Variants in SPEG observed in about 807,000 individuals in gnomAD.
The protein encoded by SPEG is striated muscle enriched protein kinase.
A neutral mutation model predicts 300.4 loss-of-function variants in SPEG; 114 were observed. That is an observed-to-expected ratio of 0.38 (90% CI 0.33 to 0.44). SPEG has a LOEUF of 0.44. SPEG is among the 20% of genes least tolerant of loss of function. The pLI, the probability that SPEG is intolerant of heterozygous loss-of-function variation, is 1.00. For missense variants in SPEG, 4,201 were observed against 4,586.2 expected, an observed-to-expected ratio of 0.92 and a Z score of 2.43; for synonymous variants, 1,964 against 2,018.9, an observed-to-expected ratio of 0.97 and a Z score of 0.73.
chr2:219,451,632 G>A lies in SPEG; in HGVS notation c.2265G>A (p.Trp755Ter). 1 of 1,562,108 alleles carries A rather than the reference G, an allele frequency of 6.4e-7. No individual in the cohort carries two copies. Residue 755 changes from tryptophan (W) to a stop codon, truncating the protein, a stop_gained, in exon 6 of 41, where the codon TGG becomes TGA. Coordinates refer to ENST00000312358, the MANE Select transcript of SPEG (RefSeq NM_005876.5). LOFTEE classifies it high-confidence loss of function. The surrounding 1 kb of genome is among the most constrained non-coding windows in gnomAD (Gnocchi z 6.4). ...CCCTGTGCCTCCCCACAGTGTCCTGGCACAAGGATGGGTCAGCGCTGCGCA... is the reference window on the plus strand; with the variant it reads ...CCCTGTGCCTCCCCACAGTGTCCTGACACAAGGATGGGTCAGCGCTGCGCA... ...ITANPPPQVS[W>*]HKDGSALRSE...
Position 219,443,979 on chromosome 2 carries a change from C to T in SPEG, c.389-674C>T. 1 of 1,353,306 alleles carries T rather than the reference C, an allele frequency of 7.4e-7. No homozygotes were observed. The highest frequency in any genetic ancestry group is 1.5e-5 in the African/African-American group (1 of 67,670). 83.8% of individuals were successfully genotyped at this position (1,353,306 alleles called of 1,614,324 possible). A position where few individuals can be genotyped will look rare whatever the true frequency, so the allele number is the denominator to read the frequency against. On this transcript the variant is annotated intron_variant, in intron 1 of 40. Coordinates refer to ENST00000312358, the MANE Select transcript of SPEG (RefSeq NM_005876.5). This position sits in a 1 kb window ranked among gnomAD's most constrained non-coding sequence, Gnocchi z 4.6. ...CTCCATGCCCTGCCCCACAAACGCT[C>T]TGATAACAGTCTGTCCCTGTCTCTC...
In SPEG at chr2:219,435,111, T is replaced by G. The variant is rs899660947; in HGVS notation, c.134T>G (p.Phe45Cys). Residue 45 changes from phenylalanine (F) to cysteine (C), a missense_variant, in exon 1 of 41, where the codon TTC becomes TGC. Phe to Cys is a radical substitution (Grantham distance 205, BLOSUM62 -2). Around this residue, in one of 4 missense-constraint regions of SPEG, gnomAD observed 1,258 missense variants for 1,293.9 expected, o/e 0.97. Transcript: ENST00000312358. ...GTGGCCGTGGCCGGGGCGCCAGTCT[T>G]CCTGCGGCCCCTGAAGAACGCGGCG... ...APVAVAGAPVFLRPLKNAAVC... is the reference protein window; with the variant it reads ...APVAVAGAPVCLRPLKNAAVC... 5.5e-6 allele frequency: 8 copies of G among 1,455,678 alleles called. No homozygotes were observed. The highest frequency in any genetic ancestry group is 9.0e-7 in the Non-Finnish European group (1 of 1,115,090). The allele number at this position is 1,455,678 out of a possible 1,614,324, so 90.2% of individuals were successfully genotyped here.
In SPEG at chr2:219,481,695, C is replaced by T. The variant is rs376455345; in HGVS notation, c.5565+15C>T. The T allele has an allele frequency of 3.7e-6, 6 of 1,613,134 alleles. No individual in the cohort carries two copies. The African/African-American group carries it at 8.0e-5, about 22-fold the overall frequency. ...CTTGGTTCAAAGTGAGTCTAGTCTG[C>T]AAAGTGGTGGCACAAAAGGTGGAGG... On this transcript the variant is annotated intron_variant, in intron 28 of 40. Coordinates refer to ENST00000312358, the MANE Select transcript of SPEG (RefSeq NM_005876.5). The surrounding 1 kb of genome is among the most constrained non-coding windows in gnomAD (Gnocchi z 5.4).
rs115284889 is a variant in SPEG at position 219,490,349 on chromosome 2, C to T, written c.8922-60C>T. 5,439 of 1,569,164 alleles carry T rather than the reference C, an allele frequency of 3.5e-3. 170 individuals carry two copies. The African/African-American group carries it at 0.064, about 19-fold the overall frequency. ...CCCTGCTCTCCTCCGTTAGCCCTCA[C>T]TATGGAAGTGTCCCCCTCCTCTCCT... is the stretch of plus-strand genomic sequence containing the variant. On this transcript the variant is annotated intron_variant, in intron 36 of 40. Coordinates refer to ENST00000312358, the MANE Select transcript of SPEG (RefSeq NM_005876.5).
In SPEG at chr2:219,488,045, G is replaced by C; in HGVS notation, c.7742-149G>C. ...CAAAGAAAATTATCGAAGGCATGGC[G>C]TGGGGTTCCACTTTCCACATCTGCC... On this transcript the variant is annotated intron_variant, in intron 31 of 40. Transcript: ENST00000312358. 4.7e-6 allele frequency: 3 copies of C among 637,590 alleles called. No individual in the cohort carries two copies. In the East Asian group the frequency reaches 8.0e-5, roughly 17 times the overall value. 39.5% of individuals were successfully genotyped at this position (637,590 alleles called of 1,614,324 possible).
At chr2:219,454,223 A>G (rs1371357637) in intron 6 of SPEG, among the ~76,000 whole-genome samples, 1 of 152,206 alleles carries the variant, frequency 6.6e-6, no homozygotes, top group Non-Finnish European at 1.5e-5. Context: ...ATGGATAACT[A>G]GAGAATGCGG....
Position 219,473,222 on chromosome 2 carries a change from A to G in SPEG, c.4147+126A>G, listed in dbSNP as rs1575135700. ...GGCAGGAGCAGCCTAGCCGGGCGGG[A>G]CCTTGGCCCATCTGTACACTTCCTT... is the stretch of plus-strand genomic sequence containing the variant. On this transcript the variant is annotated intron_variant, in intron 16 of 40. Transcript: ENST00000312358. The surrounding 1 kb of genome is among the most constrained non-coding windows in gnomAD (Gnocchi z 4.6). 1.1e-6 allele frequency: 1 copy of G among 946,410 alleles called. No homozygotes were observed. Among genetic ancestry groups the G allele is most frequent in the Non-Finnish European group, 1.6e-6 (1 of 633,646 alleles). 58.6% of individuals were successfully genotyped at this position (946,410 alleles called of 1,614,324 possible).
chr2:219,435,399 G>A (rs895060468), intron 1 of SPEG, 34 bp downstream of exon 1: 5 of 1,513,462 alleles, frequency 3.3e-6, no homozygotes, highest in Non-Finnish European at 3.5e-6. Flanking sequence ...CCCGGCAGGG[G>A]CGGGGTGCTC....
At position 219,448,154 on chromosome 2, in the gene SPEG, C is replaced by G; in HGVS notation, c.996C>G (p.Pro332=). The G allele has an allele frequency of 6.2e-7, 1 of 1,609,950 alleles. No individual in the cohort carries two copies. The highest frequency in any genetic ancestry group is 8.5e-7 in the Non-Finnish European group (1 of 1,178,370). The change falls in exon 4 of 41, where the codon CCC becomes CCG. Residue 332 remains proline (P), a synonymous_variant. Coordinates refer to ENST00000312358, the MANE Select transcript of SPEG (RefSeq NM_005876.5). The part of the protein sequence containing the change: ...PGPPAQPAAT[P]TSPHRRTQEP... Reference sequence around the variant, plus strand: ...CCCCGGCCCAGCCCGCGGCCACCCCCACGTCGCCCCACCGTCGCACTCAGG... The same window carrying G: ...CCCCGGCCCAGCCCGCGGCCACCCCGACGTCGCCCCACCGTCGCACTCAGG...
In SPEG at chr2:219,485,009, G is replaced by T; in HGVS notation, c.7546G>T (p.Gly2516Cys). 6.5e-7 allele frequency: 1 copy of T among 1,531,596 alleles called. No homozygotes were observed. Among genetic ancestry groups the T allele is most frequent in the Non-Finnish European group, 8.7e-7 (1 of 1,145,502 alleles). The allele number at this position is 1,531,596 out of a possible 1,614,324, so 94.9% of individuals were successfully genotyped here. A position where few individuals can be genotyped will look rare whatever the true frequency, so the allele number is the denominator to read the frequency against. The part of the protein sequence containing the change: ...LPHNQLAAQA[G>C]ATTPSAESLG... ...GCACAACCAGTTGGCCGCCCAGGCCGGCGCCACCACGCCTTCCGCCGAGTC... is the reference window on the plus strand; with the variant it reads ...GCACAACCAGTTGGCCGCCCAGGCCTGCGCCACCACGCCTTCCGCCGAGTC... The change falls in exon 30 of 41, where the codon GGC (glycine) becomes TGC (cysteine). Residue 2516 changes from glycine to cysteine, a missense_variant. By Grantham distance (159) the Gly-to-Cys change is radical (BLOSUM62 -3). Around this residue, in one of 4 missense-constraint regions of SPEG, gnomAD observed 1,578 missense variants for 1,506.0 expected, o/e 1.05. Coordinates refer to ENST00000312358, the MANE Select transcript of SPEG (RefSeq NM_005876.5).
At chr2:219,472,193 T>C (rs1229937418) in intron 14 of SPEG, 34 bp from the exon 15 acceptor site, 2 of 1,601,988 alleles carry the variant, frequency 1.2e-6, no homozygotes, top group East Asian at 2.2e-5. Context: ...GTTGGGCCCT[T>C]GGACCCAGCA....
At chr2:219,461,032 T>TG in intron 6 of SPEG, 1 of 415,636 alleles carries the variant, frequency 2.4e-6, no homozygotes, top group Non-Finnish European at 3.1e-6. Flanking sequence ...GGGCTTGGGG[T>TG]GGGGGGACCC....
At chr2:219,450,870 C>T (rs180688246) in intron 4 of SPEG, 338 of 360,516 alleles carry the variant, frequency 9.4e-4, no homozygotes, top group Non-Finnish European at 1.3e-3. Context: ...CAGAAGCCAA[C>T]GCTCTAATTG....
rs1451744479 is a variant in SPEG, at chr2:219,483,878, C to G, written c.6415C>G (p.Arg2139Gly). The G allele has an allele frequency of 1.3e-6, 2 of 1,597,632 alleles. No homozygotes were observed. The highest frequency in any genetic ancestry group is 1.7e-6 in the Non-Finnish European group (2 of 1,177,400). The change falls in exon 30 of 41, where the codon CGG (arginine) becomes GGG (glycine). Residue 2139 changes from arginine to glycine, a missense_variant. Around this residue, in one of 4 missense-constraint regions of SPEG, gnomAD observed 1,578 missense variants for 1,506.0 expected, o/e 1.05. Coordinates refer to ENST00000312358, the MANE Select transcript of SPEG (RefSeq NM_005876.5). ...CTTCTCCCAGGGTGAGGCGGAGCCCCGGGGCCGGCACCGCCGAGCGGGGGC... is the reference window on the plus strand; with the variant it reads ...CTTCTCCCAGGGTGAGGCGGAGCCCGGGGGCCGGCACCGCCGAGCGGGGGC... Reference protein sequence around the residue: ...SSFSQGEAEPRGRHRRAGAPL... With the variant: ...SSFSQGEAEPGGRHRRAGAPL...
intron 9 of SPEG, chr2:219,466,472 T>A: frequency 8.5e-7 from 1 of 1,178,260 alleles, no homozygotes; most frequent in Non-Finnish European, 1.1e-6. Context: ...GGAGCTGAGG[T>A]GGGGTGAGAC....
chr2:219,462,686 C>G (rs138065052), intron 8 of SPEG, among the ~76,000 whole-genome samples: 1 of 152,160 alleles, frequency 6.6e-6, no homozygotes, highest in Non-Finnish European at 1.5e-5. Context: ...AGAGGTGAGG[C>G]GAATGGATCA....
At chr2:219,483,020 C>T (rs1693002284) in intron 29 of SPEG, 78 bp from the exon 30 acceptor site, 10 of 1,498,916 alleles carry the variant, frequency 6.7e-6, no homozygotes, top group Admixed American at 5.8e-5. Flanking sequence ...GGCCTCTTCC[C>T]CAGGGCTGAG....
chr2:219,463,845 G>A (rs1024495363), intron 8 of SPEG, among the ~76,000 whole-genome samples: 35 of 152,162 alleles, frequency 2.3e-4, no homozygotes, highest in Non-Finnish European at 4.7e-4. Context: ...ATAGGGTCAG[G>A]CATGAGGGCT....
rs1429032719 is a variant in SPEG at position 219,469,263 on chromosome 2, G to A, written c.3599G>A (p.Gly1200Glu). Reference sequence around the variant, plus strand: ...CGGCCACTGCAGGACCTGGAGGTGGGACTGGCCAAGGAGGCCATGCTAGAG... The same window carrying A: ...CGGCCACTGCAGGACCTGGAGGTGGAACTGGCCAAGGAGGCCATGCTAGAG... ...FLRPLQDLEVGLAKEAMLECQ... is the reference protein window; with the variant it reads ...FLRPLQDLEVELAKEAMLECQ... The change falls in exon 13 of 41, where the codon GGA (glycine) becomes GAA (glutamate). Residue 1200 changes from glycine (G) to glutamate (E), a missense_variant. Around this residue, in one of 4 missense-constraint regions of SPEG, gnomAD observed 1,047 missense variants for 1,356.8 expected, o/e 0.77. Coordinates refer to ENST00000312358, the MANE Select transcript of SPEG (RefSeq NM_005876.5). The A allele has an allele frequency of 6.2e-7, 1 of 1,613,886 alleles. No individual in the cohort carries two copies. Among genetic ancestry groups the A allele is most frequent in the Non-Finnish European group, 8.5e-7 (1 of 1,179,980 alleles).
Sources: allele counts gnomAD v4.1 joint callset (sites outside exome capture counted in the v4.1 genomes callset), GRCh38; gene constraint gnomAD v4.1.1; regional missense constraint gnomAD v4.1.1; non-coding constraint Gnocchi (gnomAD v3.1); transcripts MANE v1.5; gene names NCBI Gene and HGNC (gene_info 2026-07-23, HGNC 2026-07-21).